Variants in CACNA1C observed in about 807,000 individuals in gnomAD.
CACNA1C encodes the protein calcium voltage-gated channel subunit alpha1 C, also known as voltage-dependent L-type calcium channel subunit alpha-1C.
A neutral mutation model predicts 229.0 loss-of-function variants in CACNA1C; 30 were observed. The ratio of observed to expected loss-of-function variants is 0.13; its 90% CI spans 0.10 to 0.18. The LOEUF (loss-of-function observed/expected upper bound fraction) is 0.18. Among genes scored for constraint, CACNA1C ranks in the 10% least tolerant of loss-of-function variants. CACNA1C has a pLI of 1.00. For missense variants in CACNA1C, 1,658 were observed against 2,845.0 expected, an observed-to-expected ratio of 0.58 and a Z score of 9.49; for synonymous variants, 1,114 against 1,132.5, an observed-to-expected ratio of 0.98 and a Z score of 0.33.
chr12:2,669,669 C>T (rs984167036), intron 38 of CACNA1C, among the ~76,000 whole-genome samples: 2 of 152,198 alleles, frequency 1.3e-5, no homozygotes, highest in African/African-American at 2.4e-5. Context: ...GCTGGGAAGA[C>T]GTGTGGGAAA....
intron 3 of CACNA1C, among the ~76,000 whole-genome samples, chr12:2,385,741 C>G (rs1355232181): frequency 6.6e-6 from 1 of 152,222 alleles, no homozygotes; most frequent in Non-Finnish European, 1.5e-5. Context: ...TAACTATAAA[C>G]TCCTTAACAT....
At chr12:2,447,393 G>A (rs1359036670) in intron 3 of CACNA1C, among the ~76,000 whole-genome samples, 1 of 152,066 alleles carries the variant, frequency 6.6e-6, no homozygotes, top group Non-Finnish European at 1.5e-5. Flanking sequence ...CCTTTCCCAC[G>A]CCGCGGCGTG....
intron 1 of CACNA1C, among the ~76,000 whole-genome samples, chr12:2,033,761 C>T (rs903420109): frequency 1.3e-5 from 2 of 152,202 alleles, no homozygotes; most frequent in South Asian, 2.1e-4. Flanking sequence ...AGTCAAAATG[C>T]CCAGGAACCT....
In CACNA1C at chr12:2,577,969, C is replaced by T. The variant is rs374037545; in HGVS notation, c.1896-3621C>T. Among the ~76,000 whole-genome samples the T allele has an allele frequency of 1.1e-3, 160 of 151,192 alleles. 1 individual carries two copies. Among genetic ancestry groups the T allele is most frequent in the African/African-American group, 3.5e-3 (142 of 41,142 alleles). On this transcript the variant is annotated intron_variant, in intron 13 of 46. Transcript: ENST00000399655. ...CTGCAAGCTCCGCCTCCCGGGTTCA[C>T]GCCATTCTCCTGCCTCAGCCTCCCG...
At chr12:2,619,167 C>T (rs542506486) in intron 29 of CACNA1C, among the ~76,000 whole-genome samples, 13 of 152,310 alleles carry the variant, frequency 8.5e-5, no homozygotes, top group Admixed American at 6.5e-4. Flanking sequence ...GCTGAGCAGA[C>T]GGGACAGGAA....
chr12:2,691,886 TC>T lies in CACNA1C; in HGVS notation c.*689del, dbSNP rs2097793336. On this transcript the variant is annotated 3_prime_UTR_variant, in exon 47 of 47. Transcript: ENST00000399655. ...CCGCCCAACCAGGTGGTGCTGAGCT[TC>T]CGCTGAGCGCTCTTTTGTTTTGTGG... 1 of 149,722 alleles carries T rather than the reference TC, an allele frequency of 6.7e-6. No individual in the cohort carries two copies. Among genetic ancestry groups the T allele is most frequent in the African/African-American group, 2.5e-5 (1 of 40,746 alleles). 9.3% of individuals were successfully genotyped at this position (149,722 alleles called of 1,614,324 possible). A position where few individuals can be genotyped will look rare whatever the true frequency, so the allele number is the denominator to read the frequency against.
intron 9 of CACNA1C, among the ~76,000 whole-genome samples, chr12:2,521,296 G>A (rs2099809427): frequency 6.6e-6 from 1 of 152,222 alleles, no homozygotes; most frequent in African/African-American, 2.4e-5. Flanking sequence ...CCACACTGTG[G>A]TTTTGGAGGG....
chr12:2,284,274 C>A (rs893123834), intron 3 of CACNA1C, among the ~76,000 whole-genome samples: 1 of 150,164 alleles, frequency 6.7e-6, no homozygotes, highest in Non-Finnish European at 1.5e-5. Context: ...AAGCTGAATT[C>A]TCTAGAACAG....
At chr12:2,106,561 G>T (rs1479551866) in intron 1 of CACNA1C, among the ~76,000 whole-genome samples, 2 of 119,788 alleles carry the variant, frequency 1.7e-5, no homozygotes, top group African/African-American at 6.3e-5. Flanking sequence ...TTCCACCTCA[G>T]CTGGGCATCC....
chr12:1,997,923 A>C, intron 1 of CACNA1C: 1 of 1,596,242 alleles, frequency 6.3e-7, no homozygotes, highest in Non-Finnish European at 8.5e-7. Context: ...TATAAAAGTG[A>C]AACACTCTTA....
At chr12:1,980,542 T>C (rs2035803580) in intron 1 of CACNA1C, among the ~76,000 whole-genome samples, 1 of 151,922 alleles carries the variant, frequency 6.6e-6, no homozygotes. Flanking sequence ...CTTTTCATTA[T>C]CCCAAAGGTA....
intron 1 of CACNA1C, among the ~76,000 whole-genome samples, chr12:2,001,222 T>C (rs2042135587): frequency 1.3e-5 from 2 of 152,144 alleles, no homozygotes; most frequent in Admixed American, 6.5e-5. Context: ...CAACCAGATT[T>C]TTTTTTTCTT....
At chr12:2,681,858 G>C (rs2097162838) in intron 42 of CACNA1C, 4 of 779,762 alleles carry the variant, frequency 5.1e-6, no homozygotes, top group African/African-American at 3.4e-5. Context: ...TCTATAGAAA[G>C]CAAGACAAAG....
chr12:2,605,890 A>G lies in CACNA1C; in HGVS notation c.3156+104A>G, dbSNP rs2153427697. ...TACAAACGAGACAGTGTCCTGAGCCAGACTTGGCTTGGATATAACCTCCAC... is the reference window on the plus strand; with the variant it reads ...TACAAACGAGACAGTGTCCTGAGCCGGACTTGGCTTGGATATAACCTCCAC... On this transcript the variant is annotated intron_variant, in intron 24 of 46. Transcript: ENST00000399655. This position sits in a 1 kb window ranked among gnomAD's most constrained non-coding sequence, Gnocchi z 6.2. 2.4e-6 allele frequency: 2 copies of G among 824,916 alleles called. No individual in the cohort carries two copies. The highest frequency in any genetic ancestry group is 2.0e-6 in the Non-Finnish European group (1 of 488,164). The allele number at this position is 824,916 out of a possible 1,614,324, so 51.1% of individuals were successfully genotyped here. A position where few individuals can be genotyped will look rare whatever the true frequency, so the allele number is the denominator to read the frequency against.
Position 2,230,080 on chromosome 12 carries a change from G to GAA in CACNA1C, c.477+109651_477+109652dup, listed in dbSNP as rs1431497804. Reference sequence around the variant, plus strand: ...CCTCAGGTTAGAGGCGGAAGGGGAAGAAGGGGCCTGGAGAGGTGTGGTTCT... The same window carrying GAA: ...CCTCAGGTTAGAGGCGGAAGGGGAAGAAAAGGGGCCTGGAGAGGTGTGGTTCT... On this transcript the variant is annotated intron_variant, in intron 3 of 46. Coordinates refer to ENST00000399655, the MANE Select transcript of CACNA1C (RefSeq NM_000719.7). 5.2e-4 allele frequency among the ~76,000 whole-genome samples: 79 copies of GAA among 152,328 alleles called. 1 individual carries two copies. Among genetic ancestry groups the GAA allele is most frequent in the African/African-American group, 1.8e-3 (73 of 41,580 alleles).
chr12:2,285,751 C>T lies in CACNA1C; in HGVS notation c.478-163225C>T, dbSNP rs1043629837. On this transcript the variant is annotated intron_variant, in intron 3 of 46. Coordinates refer to ENST00000399655, the MANE Select transcript of CACNA1C (RefSeq NM_000719.7). The surrounding 1 kb of genome is among the most constrained non-coding windows in gnomAD (Gnocchi z 4.2). ...TTTTTCTCAACCTGTTGCTAACGTG[C>T]TCATTCGAGAGAGGCTGGTGCGCAC... 1.3e-5 allele frequency among the ~76,000 whole-genome samples: 2 copies of T among 152,178 alleles called. No individual in the cohort carries two copies. The highest frequency in any genetic ancestry group is 2.9e-5 in the Non-Finnish European group (2 of 68,030).
At chr12:2,037,294 G>A (rs763102724) in intron 1 of CACNA1C, among the ~76,000 whole-genome samples, 9 of 152,166 alleles carry the variant, frequency 5.9e-5, no homozygotes, top group Non-Finnish European at 1.3e-4. Context: ...TGTTTGGTAG[G>A]CATGGGAGGA....
rs59068153 is a variant in CACNA1C, at chr12:2,646,768, AAGAGAGAGAGAG to A, written c.3913-1696_3913-1685del. ...TGCCTGTATGAGAGAGAGAGAGAGAAAGAGAGAGAGAGAGAGAGAGAGTGTGTGTGTGCGCGT... is the reference window on the plus strand; with the variant it reads ...TGCCTGTATGAGAGAGAGAGAGAGAAAGAGAGAGAGTGTGTGTGTGCGCGT... On this transcript the variant is annotated intron_variant, in intron 30 of 46. Transcript: ENST00000399655. The surrounding 1 kb of genome is among the most constrained non-coding windows in gnomAD (Gnocchi z 4.6). Among the ~76,000 whole-genome samples, 6 of 146,506 alleles carry A rather than the reference AAGAGAGAGAGAG, an allele frequency of 4.1e-5. No homozygotes were observed. The highest frequency in any genetic ancestry group is 2.7e-4 in the Admixed American group (4 of 14,600).
intron 3 of CACNA1C, among the ~76,000 whole-genome samples, chr12:2,236,075 C>T (rs984304975): frequency 1.3e-5 from 2 of 152,212 alleles, no homozygotes; most frequent in African/African-American, 2.4e-5. Flanking sequence ...GTCCACTTGG[C>T]TCTATCAAAG....
Sources: gnomAD v4.1 joint callset for allele counts (sites outside exome capture counted in the v4.1 genomes callset) on GRCh38, gnomAD v4.1.1 for gene constraint, Gnocchi (gnomAD v3.1) non-coding constraint, MANE v1.5 for transcripts, NCBI Gene and HGNC (gene_info 2026-07-23, HGNC 2026-07-21) for gene names.